Variants in MS4A7 observed in about 807,000 individuals in gnomAD.
MS4A7 encodes membrane-spanning 4-domains subfamily A member 7.
Under a neutral mutation model 23.5 loss-of-function variants are expected in MS4A7, and 21 were observed. That is an observed-to-expected ratio of 0.89 (90% CI 0.63 to 1.29). The LOEUF (loss-of-function observed/expected upper bound fraction) is 1.29. Among genes scored for constraint, MS4A7 ranks in the 50% most tolerant of loss-of-function variants. The probability of loss-of-function intolerance (pLI) is 0.00; values close to 1 mark genes in which losing one functional copy is unlikely to be tolerated. For synonymous variants in MS4A7, 111 were observed against 107.4 expected (o/e 1.03, Z -0.21); for missense variants, 263 against 274.2 (o/e 0.96, Z 0.29).
In MS4A7 at chr11:60,389,524, A is replaced by T; in HGVS notation, c.474A>T (p.Ser158=). The T allele has an allele frequency of 6.2e-7, 1 of 1,614,104 alleles. No homozygotes were observed. The highest frequency in any genetic ancestry group is 2.2e-5 in the East Asian group (1 of 44,886). The change falls in exon 5 of 7, where the codon TCA becomes TCT. Residue 158 remains serine, a synonymous_variant. Transcript: ENST00000300184. ...GCTCAGAAATGGATTATCTATCCTC[A>T]TTGCCTTATTCGGAGTACTATTATC... ...HCGSEMDYLS[S]LPYSEYYYPI...
At chr11:60,389,790 A>G in intron 5 of MS4A7, 194 bp downstream of exon 5, 1 of 581,874 alleles carries the variant, frequency 1.7e-6, no homozygotes, top group Non-Finnish European at 3.1e-6. Flanking sequence ...TAGAAAGTCA[A>G]AAGAGGAAAT....
chr11:60,390,093 C>T (rs2085535228), intron 5 of MS4A7: 2 of 168,960 alleles, frequency 1.2e-5, no homozygotes, highest in South Asian at 2.9e-4. Flanking sequence ...AGTTAATCTT[C>T]AAATGCAAGC....
At chr11:60,386,409 C>T (rs929028042) in intron 3 of MS4A7, 1 of 302,632 alleles carries the variant, frequency 3.3e-6, no homozygotes, top group African/African-American at 2.2e-5. Context: ...CTCTTTCAAC[C>T]CTGTAATTTA....
At chr11:60,388,201 C>T (rs189401024) in intron 4 of MS4A7, among the ~76,000 whole-genome samples, 3 of 152,188 alleles carry the variant, frequency 2.0e-5, no homozygotes, top group African/African-American at 7.2e-5. Flanking sequence ...ACTTGTGGAG[C>T]CCACATTGTT....
intron 6 of MS4A7, 115 bp from the exon 7 acceptor site, chr11:60,393,671 TG>T: frequency 1.7e-6 from 1 of 576,906 alleles, no homozygotes; most frequent in Middle Eastern, 4.8e-4. Flanking sequence ...TTACATATTA[TG>T]GCAAAGTTGG....
intron 2 of MS4A7, 157 bp downstream of exon 2, chr11:60,383,445 A>C: frequency 4.3e-6 from 3 of 692,538 alleles, no homozygotes; most frequent in Admixed American, 3.4e-5. Context: ...AAGACTCTTA[A>C]AGCTCTGCAG....
chr11:60,383,851 T>C (rs1174589761), intron 2 of MS4A7, among the ~76,000 whole-genome samples: 3 of 152,250 alleles, frequency 2.0e-5, no homozygotes, highest in Non-Finnish European at 2.9e-5. Context: ...AATTAGTCTT[T>C]CTTATTTTGT....
chr11:60,379,808 T>A (rs1056969214), intron 1 of MS4A7, among the ~76,000 whole-genome samples: 8 of 152,224 alleles, frequency 5.3e-5, no homozygotes, highest in Admixed American at 1.3e-4. Flanking sequence ...GTGCTAGGAT[T>A]ACAGGCATGA....
chr11:60,382,972 C>T (rs1295000700), intron 1 of MS4A7, among the ~76,000 whole-genome samples, 157 bp from the exon 2 acceptor site: 1 of 152,206 alleles, frequency 6.6e-6, no homozygotes, highest in East Asian at 1.9e-4. Context: ...GCCCACTTTC[C>T]AATGCTCCAC....
intron 2 of MS4A7, 129 bp from the exon 3 acceptor site, chr11:60,384,959 A>G (rs928115890): frequency 6.1e-5 from 50 of 820,430 alleles, no homozygotes; most frequent in Admixed American, 8.7e-5. Flanking sequence ...GGCTCCTTGT[A>G]ACATTTTTCC....
At chr11:60,387,062 C>A (rs1424366193) in intron 4 of MS4A7, among the ~76,000 whole-genome samples, 1 of 152,148 alleles carries the variant, frequency 6.6e-6, no homozygotes, top group African/African-American at 2.4e-5. Context: ...TTTAAATGTA[C>A]CATGGACTCT....
rs36102108 is a variant in MS4A7, at chr11:60,386,730, G to A, written c.296G>A (p.Gly99Glu). ...TCTTCTGGGCAGTTTGGCATTACTG[G>A]ATCCCTCTCAATTATCTCTGGAAAA... ...FLGALCFGIT[G>E]SLSIISGKQS... Residue 99 changes from glycine to glutamate, a missense_variant, in exon 4 of 7, where the codon GGA becomes GAA. Physicochemically the swap from Gly to Glu is moderately conservative, Grantham distance 98. Coordinates refer to ENST00000300184, the MANE Select transcript of MS4A7 (RefSeq NM_021201.5). 7.5e-4 allele frequency: 1,217 copies of A among 1,613,022 alleles called. 2 individuals are homozygous for A. Among genetic ancestry groups the A allele is most frequent in the Non-Finnish European group, 9.6e-4 (1,135 of 1,179,192 alleles).
At chr11:60,393,749 C>A in intron 6 of MS4A7, 38 bp from the exon 7 acceptor site, 2 of 1,525,112 alleles carry the variant, frequency 1.3e-6, no homozygotes, top group South Asian at 2.3e-5. Flanking sequence ...TCTCCGAAAT[C>A]AAAGTTTAAA....
At chr11:60,386,987 G>A (rs2085498603) in intron 4 of MS4A7, among the ~76,000 whole-genome samples, 1 of 152,210 alleles carries the variant, frequency 6.6e-6, no homozygotes, top group Admixed American at 6.5e-5. Flanking sequence ...TCTACACAAT[G>A]TTGCTCCTGG....
chr11:60,386,254 C>T (rs2085485783), intron 3 of MS4A7, among the ~76,000 whole-genome samples: 2 of 152,298 alleles, frequency 1.3e-5, no homozygotes, highest in South Asian at 4.2e-4. Flanking sequence ...TCCTCGACTC[C>T]CATTCTGACT....
At chr11:60,392,346 C>A (rs986530362) in intron 5 of MS4A7, among the ~76,000 whole-genome samples, 1 of 151,832 alleles carries the variant, frequency 6.6e-6, no homozygotes, top group Non-Finnish European at 1.5e-5. Context: ...TGCATTGAGA[C>A]CACTGCAGGA....
intron 5 of MS4A7, 109 bp from the exon 6 acceptor site, chr11:60,392,576 C>T: frequency 1.4e-6 from 1 of 720,960 alleles, no homozygotes; most frequent in Non-Finnish European, 2.3e-6. Flanking sequence ...AGCAATTTTC[C>T]CTGTCTCCTT....
intron 4 of MS4A7, among the ~76,000 whole-genome samples, chr11:60,387,471 G>A (rs2085504516): frequency 6.6e-6 from 1 of 152,168 alleles, no homozygotes; most frequent in Non-Finnish European, 1.5e-5. Context: ...TCCCCTGTCA[G>A]AAGAGGGTGT....
At chr11:60,383,369 G>A in intron 2 of MS4A7, 81 bp downstream of exon 2, 1 of 1,511,092 alleles carries the variant, frequency 6.6e-7, no homozygotes, top group Admixed American at 1.9e-5. Flanking sequence ...AGTGGGTCTG[G>A]GAAACTCTTT....
Sources: gnomAD v4.1 joint callset for allele counts (sites outside exome capture counted in the v4.1 genomes callset) on GRCh38, gnomAD v4.1.1 for gene constraint, MANE v1.5 for transcripts, NCBI Gene and HGNC (gene_info 2026-07-23, HGNC 2026-07-21) for gene names.